GRID2: variants seen among roughly 807,000 people sequenced by gnomAD.
The protein encoded by GRID2 is glutamate receptor ionotropic, delta-2.
In GRID2, 33 loss-of-function variants were observed where a neutral mutation model predicts 114.8. The observed-to-expected ratio is 0.29, with a 90% CI of 0.22 to 0.38. The LOEUF (loss-of-function observed/expected upper bound fraction) is 0.38, where lower values mean the gene tolerates loss of function less well. Among genes scored for constraint, GRID2 ranks in the 10% least tolerant of loss-of-function variants. The pLI is 1.00. For synonymous variants in GRID2, 505 were observed against 449.9 expected, an observed-to-expected ratio of 1.12 and a Z score of -1.55; for missense variants, 1,184 against 1,257.7, an observed-to-expected ratio of 0.94 and a Z score of 0.89.
chr4:92,736,519 A>G (rs2149328176), intron 2 of GRID2, among the ~76,000 whole-genome samples: 1 of 152,236 alleles, frequency 6.6e-6, no homozygotes, highest in South Asian at 2.1e-4. Context: ...TATACTCATG[A>G]ATTCTTACCT....
At chr4:92,398,186 TC>T (rs1340626274) in intron 1 of GRID2, among the ~76,000 whole-genome samples, 1 of 152,106 alleles carries the variant, frequency 6.6e-6, no homozygotes, top group Non-Finnish European at 1.5e-5. Flanking sequence ...AGATGGAATA[TC>T]TATATATAAA....
At chr4:93,239,422 G>C (rs1202781461) in intron 8 of GRID2, among the ~76,000 whole-genome samples, 1 of 150,552 alleles carries the variant, frequency 6.6e-6, no homozygotes, top group Admixed American at 6.7e-5. Flanking sequence ...GCTGGTAACT[G>C]TAAATTTCTA....
intron 2 of GRID2, among the ~76,000 whole-genome samples, chr4:92,733,780 C>T (rs371986175): frequency 5.9e-5 from 9 of 152,014 alleles, no homozygotes; most frequent in East Asian, 5.8e-4. Flanking sequence ...CTGGCTCTGT[C>T]CCTTTAAAAC....
chr4:93,194,794 C>T (rs1170603375), intron 4 of GRID2, among the ~76,000 whole-genome samples: 2 of 152,154 alleles, frequency 1.3e-5, no homozygotes, highest in Non-Finnish European at 2.9e-5. Context: ...ATTGCATCAA[C>T]TGAGAACTCG....
intron 2 of GRID2, among the ~76,000 whole-genome samples, chr4:93,082,569 G>C (rs1729962869): frequency 6.6e-6 from 1 of 152,110 alleles, no homozygotes; most frequent in Admixed American, 6.5e-5. Flanking sequence ...GTTCCAGGAT[G>C]CCAATTTACC....
At chr4:93,769,119 T>A (rs1305317908) in intron 14 of GRID2, 91 bp from the exon 15 acceptor site, 2 of 1,251,014 alleles carry the variant, frequency 1.6e-6, no homozygotes, top group Non-Finnish European at 1.2e-6. Context: ...ACAGCCACCA[T>A]CCTACAGAGG....
chr4:93,581,426 G>A (rs1736973457), intron 13 of GRID2, among the ~76,000 whole-genome samples: 1 of 152,042 alleles, frequency 6.6e-6, no homozygotes, highest in Admixed American at 6.6e-5. Context: ...AAACTACACA[G>A]CATTTATATC....
At chr4:92,402,821 TC>T (rs1446551847) in intron 1 of GRID2, among the ~76,000 whole-genome samples, 1 of 152,150 alleles carries the variant, frequency 6.6e-6, no homozygotes, top group African/African-American at 2.4e-5. Flanking sequence ...AGTCAGCATA[TC>T]CTTTGAAGCT....
chr4:92,635,703 A>G (rs1731034243), intron 2 of GRID2, among the ~76,000 whole-genome samples: 2 of 152,132 alleles, frequency 1.3e-5, no homozygotes. Context: ...TTATTAGGGA[A>G]CATTTCAATA....
chr4:92,415,079 A>C (rs1239762604), intron 1 of GRID2, among the ~76,000 whole-genome samples: 2 of 152,062 alleles, frequency 1.3e-5, no homozygotes, highest in African/African-American at 4.8e-5. Flanking sequence ...CCATAACATT[A>C]AGTATTTCAT....
intron 2 of GRID2, among the ~76,000 whole-genome samples, chr4:92,854,236 T>C (rs180705297): frequency 2.0e-5 from 3 of 151,982 alleles, no homozygotes; most frequent in Non-Finnish European, 2.9e-5. Context: ...TCACACAAAA[T>C]GTTTGAATTA....
chr4:93,775,144 T>TAAAAAAA (rs566720059), downstream of GRID2, among the ~76,000 whole-genome samples: 1 of 142,904 alleles, frequency 7.0e-6, no homozygotes, highest in Non-Finnish European at 1.5e-5. Flanking sequence ...CATAATTTAC[T>TAAAAAAA]AAAAAAAAAA....
At chr4:92,926,765 T>C (rs1027618527) in intron 2 of GRID2, among the ~76,000 whole-genome samples, 5 of 152,010 alleles carry the variant, frequency 3.3e-5, no homozygotes, top group South Asian at 4.1e-4. Context: ...AAGTCCGAGA[T>C]TGAGAGACCA....
intron 2 of GRID2, among the ~76,000 whole-genome samples, chr4:93,075,841 A>G (rs924690393): frequency 9.5e-5 from 14 of 147,782 alleles, no homozygotes; most frequent in African/African-American, 3.5e-4. Context: ...ATGCTTATGA[A>G]TTGGAATACT....
intron 2 of GRID2, among the ~76,000 whole-genome samples, chr4:92,752,975 T>C (rs1046774050): frequency 6.6e-6 from 1 of 152,180 alleles, no homozygotes; most frequent in African/African-American, 2.4e-5. Context: ...TATTTTAATC[T>C]TTATGGTAAT....
At chr4:93,402,649 A>ACTCTT (rs1335414987) in intron 9 of GRID2, among the ~76,000 whole-genome samples, 1 of 152,048 alleles carries the variant, frequency 6.6e-6, no homozygotes, top group Non-Finnish European at 1.5e-5. Flanking sequence ...GACCACAGGA[A>ACTCTT]CTCTTCTGCC....
chr4:92,743,238 C>A (rs899812199), intron 2 of GRID2, among the ~76,000 whole-genome samples: 1 of 152,234 alleles, frequency 6.6e-6, no homozygotes, highest in African/African-American at 2.4e-5. Context: ...GATCCTGCCA[C>A]TGCACTGCAG....
At chr4:93,784,071 C>CAAAAAAAAAAAA (rs70942993) in intron 1 of GRID2, among the ~76,000 whole-genome samples, 3 of 38,986 alleles carry the variant, frequency 7.7e-5, no homozygotes, top group African/African-American at 3.6e-4. Flanking sequence ...GACTCCGTCT[C>CAAAAAAAAAAAA]AAAAAAAAAA....
chr4:92,841,259 C>G (rs534059863), intron 2 of GRID2, among the ~76,000 whole-genome samples: 3 of 152,188 alleles, frequency 2.0e-5, no homozygotes, highest in Admixed American at 6.6e-5. Context: ...AATGTACTCA[C>G]TTTTTTCTCA....
Sources: gnomAD v4.1 joint callset for allele counts (sites outside exome capture counted in the v4.1 genomes callset) on GRCh38, gnomAD v4.1.1 for gene constraint, MANE v1.5 for transcripts, NCBI Gene and HGNC (gene_info 2026-07-23, HGNC 2026-07-21) for gene names.